Variants in NOX5 observed in about 807,000 individuals in gnomAD.
NOX5 encodes the protein NADPH oxidase 5, also known as NADPH oxidase, EF-hand calcium binding domain 5.
NOX5 carries 76 observed loss-of-function variants against 85.7 expected under a neutral mutation model. That is an observed-to-expected ratio of 0.89 (90% CI 0.74 to 1.07). The LOEUF (loss-of-function observed/expected upper bound fraction) is 1.07, where lower values mean the gene tolerates loss of function less well. Ranked by LOEUF, NOX5 falls within the 50% of genes least tolerant of loss-of-function variation. The probability of loss-of-function intolerance (pLI) is 0.00; values close to 1 mark genes in which losing one functional copy is unlikely to be tolerated. For missense variants in NOX5, 973 were observed against 999.5 expected, an observed-to-expected ratio of 0.97 and a Z score of 0.36; for synonymous variants, 405 against 401.4, an observed-to-expected ratio of 1.01 and a Z score of -0.11.
Position 69,031,714 on chromosome 15 carries a change from C to T in NOX5, c.522C>T (p.Phe174=), listed in dbSNP as rs762892565. Residue 174 remains phenylalanine (F), a synonymous_variant, in exon 4 of 16, where the codon TTC becomes TTT. Coordinates refer to ENST00000388866, the MANE Select transcript of NOX5 (RefSeq NM_024505.4). ...EKLDQLTLAL[F]ESADADGNGA... is the part of the protein sequence containing the mutation. ...TGGACCAGCTGACGCTGGCGCTCTT[C>T]GAATCGGCCGACGCGGACGGCAACG... The T allele has an allele frequency of 6.2e-7, 1 of 1,613,006 alleles. No homozygotes were observed. Among genetic ancestry groups the T allele is most frequent in the East Asian group, 2.2e-5 (1 of 44,864 alleles).
In NOX5 at chr15:69,056,771, G is replaced by A. The variant is rs2050817995; in HGVS notation, c.*75G>A. ...TTGCATTAGTATAAATGCCCCCACA[G>A]GGACCAGCCTCAGATGACCCACCCA... On this transcript the variant is annotated 3_prime_UTR_variant, in exon 16 of 16. Coordinates refer to ENST00000388866, the MANE Select transcript of NOX5 (RefSeq NM_024505.4). 1.3e-6 allele frequency: 2 copies of A among 1,559,310 alleles called. No individual in the cohort carries two copies. The highest frequency in any genetic ancestry group is 1.7e-6 in the Non-Finnish European group (2 of 1,152,930).
chr15:69,023,406 TA>T, intron 1 of NOX5: 1 of 373,972 alleles, frequency 2.7e-6, no homozygotes, highest in Non-Finnish European at 5.1e-6. Flanking sequence ...ATAGCTCAGG[TA>T]ATTGTCACAA....
At chr15:69,052,217 C>CA (rs60611537) in intron 14 of NOX5, among the ~76,000 whole-genome samples, 10,088 of 131,314 alleles carry the variant, frequency 0.077, 671 homozygotes, top group East Asian at 0.21. Context: ...GACCCTGTCT[C>CA]AAAAAAAAAA....
At chr15:69,015,741 CT>C (rs749813169) in intron 1 of NOX5, among the ~76,000 whole-genome samples, 3 of 152,172 alleles carry the variant, frequency 2.0e-5, no homozygotes, top group Non-Finnish European at 2.9e-5. Context: ...CCGTGGAGGG[CT>C]GCCTTGAAAC....
chr15:69,055,749 C>CTA (rs1253099488), intron 15 of NOX5, among the ~76,000 whole-genome samples: 3 of 152,180 alleles, frequency 2.0e-5, no homozygotes, highest in Non-Finnish European at 2.9e-5. Flanking sequence ...ACCTCAAAGA[C>CTA]CCCTGCAGCC....
At position 69,023,163 on chromosome 15, in the gene NOX5, G is replaced by A. The variant is rs149007661; in HGVS notation, c.51-3365G>A. The A allele has an allele frequency of 1.8e-3, 598 of 335,408 alleles. 2 individuals carry two copies. Among genetic ancestry groups the A allele is most frequent in the African/African-American group, 0.013 (572 of 44,688 alleles). The allele number at this position is 335,408 out of a possible 1,614,324, so 20.8% of individuals were successfully genotyped here. ...TTAAACAGAGAGGAAGAAGACTGAA[G>A]CCACGGAGACTGTAGAGACCGCTAA... On this transcript the variant is annotated intron_variant, in intron 1 of 15. Coordinates refer to ENST00000388866, the MANE Select transcript of NOX5 (RefSeq NM_024505.4).
intron 4 of NOX5, 50 bp from the exon 5 acceptor site, chr15:69,032,993 T>G (rs764588608): frequency 6.6e-7 from 1 of 1,518,166 alleles, no homozygotes. Context: ...AAGACACAGG[T>G]GGTCCCCGCC....
At chr15:69,033,361 G>A (rs1471936718) in intron 5 of NOX5, 84 bp downstream of exon 5, 1 of 1,441,614 alleles carries the variant, frequency 6.9e-7, no homozygotes, top group Non-Finnish European at 9.2e-7. Flanking sequence ...ACCCACAGAG[G>A]ACACCTGGAA....
At chr15:69,048,164 C>T (rs2050700342) in intron 13 of NOX5, among the ~76,000 whole-genome samples, 1 of 152,242 alleles carries the variant, frequency 6.6e-6, no homozygotes, top group South Asian at 2.1e-4. Flanking sequence ...TGTTGCAAAG[C>T]TTGACAGCTA....
At chr15:69,016,209 G>A (rs1328202032) in intron 1 of NOX5, among the ~76,000 whole-genome samples, 6 of 152,130 alleles carry the variant, frequency 3.9e-5, no homozygotes, top group African/African-American at 7.2e-5. Context: ...TGCCTTGGGA[G>A]CGTGCAGGAG....
At chr15:69,022,592 A>C (rs2050308373) in intron 1 of NOX5, 1 of 177,158 alleles carries the variant, frequency 5.6e-6, no homozygotes, top group South Asian at 1.5e-4. Context: ...TACATGGTAC[A>C]GGATGATGTC....
At chr15:69,028,578 G>A in intron 3 of NOX5, 1 of 387,904 alleles carries the variant, frequency 2.6e-6, no homozygotes, top group Non-Finnish European at 4.5e-6. Flanking sequence ...CCTTTCTGGG[G>A]CAGCAGGGAG....
At chr15:69,043,183 A>G (rs544558546) in intron 10 of NOX5, among the ~76,000 whole-genome samples, 3 of 152,306 alleles carry the variant, frequency 2.0e-5, no homozygotes, top group South Asian at 2.1e-4. Flanking sequence ...TTCTCCTGTG[A>G]CTATTTTAAA....
In NOX5 at chr15:69,026,658, G is replaced by A. The variant is rs762453652; in HGVS notation, c.174+7G>A. 2.5e-6 allele frequency: 4 copies of A among 1,614,046 alleles called. No homozygotes were observed. In the East Asian group the frequency reaches 8.9e-5, roughly 36 times the overall value. Reference sequence around the variant, plus strand: ...AGCTCTGCATGTGAAAGAGGCAAGTGTTGGGCCAAGGTGGAAGCCCTGCAT... The same window carrying A: ...AGCTCTGCATGTGAAAGAGGCAAGTATTGGGCCAAGGTGGAAGCCCTGCAT... On this transcript the variant is annotated splice_region_variant and intron_variant, in intron 2 of 15. Coordinates refer to ENST00000388866, the MANE Select transcript of NOX5 (RefSeq NM_024505.4).
intron 14 of NOX5, among the ~76,000 whole-genome samples, chr15:69,052,863 T>G (rs1182139119): frequency 3.3e-5 from 5 of 152,214 alleles, no homozygotes; most frequent in Non-Finnish European, 7.3e-5. Context: ...TATTAATTCA[T>G]TAGAAACTCA....
intron 1 of NOX5, chr15:69,022,800 A>G (rs1485340837): frequency 1.7e-5 from 4 of 234,956 alleles, no homozygotes; most frequent in African/African-American, 7.1e-5. Flanking sequence ...AAACAGGACT[A>G]ATATAGGAAT....
intron 10 of NOX5, among the ~76,000 whole-genome samples, chr15:69,045,540 C>CTTTCTTTCTTTCTTTCTTTCTTTCT (rs1567105112): frequency 4.5e-5 from 5 of 110,210 alleles, no homozygotes; most frequent in African/African-American, 2.1e-4. Flanking sequence ...TTTCTTTTTT[C>CTTTCTTTCTTTCTTTCTTTCTTTCT]TTTCTTTCTT....
At chr15:69,052,279 C>G (rs900213913) in intron 14 of NOX5, among the ~76,000 whole-genome samples, 1 of 151,966 alleles carries the variant, frequency 6.6e-6, no homozygotes, top group South Asian at 2.1e-4. Flanking sequence ...CCTCTCCCTC[C>G]TCACTGCCTA....
At chr15:69,049,113 T>C in intron 14 of NOX5, 55 bp downstream of exon 14, 2 of 1,145,714 alleles carry the variant, frequency 1.7e-6, no homozygotes, top group South Asian at 3.0e-5. Context: ...GCCTTCAGCT[T>C]CTTTAAAAAA....
Sources: allele counts gnomAD v4.1 joint callset (sites outside exome capture counted in the v4.1 genomes callset), GRCh38; gene constraint gnomAD v4.1.1; transcripts MANE v1.5; gene names NCBI Gene and HGNC (gene_info 2026-07-23, HGNC 2026-07-21).